The following ENTREP2 variants were observed in gnomAD, a reference collection of about 807,000 sequenced individuals.
ENTREP2 encodes the protein endosomal transmembrane epsin interactor 2.
the ENTREP2 span, among the ~76,000 whole-genome samples, chr15:29,481,647 T>C: frequency 2.0e-5 from 3 of 152,168 alleles, no homozygotes; most frequent in Non-Finnish European, 2.9e-5. Flanking sequence ...ATGCTTAACA[T>C]AGCCTGGCTA....
At chr15:29,167,041 C>T in the ENTREP2 span, among the ~76,000 whole-genome samples, 1 of 152,006 alleles carries the variant, frequency 6.6e-6, no homozygotes, top group Admixed American at 6.6e-5. Flanking sequence ...CGATCTTTGA[C>T]AAAGCAAACA....
the ENTREP2 span, among the ~76,000 whole-genome samples, chr15:29,313,518 G>A: frequency 6.6e-6 from 1 of 152,114 alleles, no homozygotes; most frequent in Admixed American, 6.5e-5. Context: ...ACTAGAACTA[G>A]CCCAACAAAG....
the ENTREP2 span, among the ~76,000 whole-genome samples, chr15:29,449,780 T>C: frequency 6.6e-6 from 1 of 152,234 alleles, no homozygotes; most frequent in African/African-American, 2.4e-5. Context: ...TAGACAAACA[T>C]TTTGTAGAGT....
At chr15:29,203,453 CA>C in the ENTREP2 span, among the ~76,000 whole-genome samples, 1 of 152,116 alleles carries the variant, frequency 6.6e-6, no homozygotes, top group Non-Finnish European at 1.5e-5. Context: ...GCCTCACCAG[CA>C]TCTGTTGTTT....
At chr15:29,481,312 T>C in the ENTREP2 span, among the ~76,000 whole-genome samples, 1 of 152,154 alleles carries the variant, frequency 6.6e-6, no homozygotes, top group Non-Finnish European at 1.5e-5. Context: ...GGGTGGGGCC[T>C]GAGACCCTGC....
At chr15:29,647,694 C>T in the ENTREP2 span, among the ~76,000 whole-genome samples, 1 of 152,150 alleles carries the variant, frequency 6.6e-6, no homozygotes, top group Admixed American at 6.6e-5. Flanking sequence ...AAAGGACATA[C>T]TCCCAAAAGG....
At chr15:29,394,947 G>C in the ENTREP2 span, among the ~76,000 whole-genome samples, 1 of 144,476 alleles carries the variant, frequency 6.9e-6, no homozygotes, top group East Asian at 2.1e-4. Flanking sequence ...GAGTGCAGTG[G>C]TGTGATCTCA....
At chr15:29,396,361 G>C in the ENTREP2 span, among the ~76,000 whole-genome samples, 5 of 151,066 alleles carry the variant, frequency 3.3e-5, no homozygotes, top group Non-Finnish European at 5.9e-5. Context: ...AGATTATTCA[G>C]TATTCATCTT....
chr15:29,598,122 CAA>C, the ENTREP2 span, among the ~76,000 whole-genome samples: 1 of 149,986 alleles, frequency 6.7e-6, no homozygotes. Context: ...ACCCCTGTCT[CAA>C]AAAAAAAAGA....
the ENTREP2 span, among the ~76,000 whole-genome samples, chr15:29,483,013 G>C: frequency 2.6e-5 from 4 of 152,226 alleles, no homozygotes; most frequent in Non-Finnish European, 4.4e-5. Context: ...GATGCTATCA[G>C]TGTTTTGGCT....
At chr15:29,233,944 T>G in the ENTREP2 span, 1 of 1,557,510 alleles carries the variant, frequency 6.4e-7, no homozygotes, top group Non-Finnish European at 8.8e-7. Flanking sequence ...CTACTTCCAT[T>G]GCAGTTTCAC....
chr15:29,350,430 T>C, the ENTREP2 span, among the ~76,000 whole-genome samples: 2 of 152,218 alleles, frequency 1.3e-5, no homozygotes, highest in African/African-American at 2.4e-5. Flanking sequence ...CAAAGAATTT[T>C]TGATTGCCTC....
At chr15:29,410,997 G>T in the ENTREP2 span, among the ~76,000 whole-genome samples, 1 of 152,062 alleles carries the variant, frequency 6.6e-6, no homozygotes, top group Admixed American at 6.6e-5. Flanking sequence ...TGTTGGTCAG[G>T]CTGGTCTCGA....
chr15:29,248,532 C>T, the ENTREP2 span, among the ~76,000 whole-genome samples: 1 of 151,834 alleles, frequency 6.6e-6, no homozygotes, highest in Admixed American at 6.6e-5. Context: ...AGAACACATA[C>T]AGACAAAACA....
At chr15:29,252,002 T>G in the ENTREP2 span, among the ~76,000 whole-genome samples, 1 of 152,198 alleles carries the variant, frequency 6.6e-6, no homozygotes. Flanking sequence ...TAAAACTGAC[T>G]TGCAAACTGA....
chr15:29,119,914 G>C, the ENTREP2 span, among the ~76,000 whole-genome samples: 1 of 152,160 alleles, frequency 6.6e-6, no homozygotes, highest in South Asian at 2.1e-4. Context: ...ATGCAGGCAG[G>C]ACTCCCACCA....
chr15:29,563,842 TAAAAATAA>T, the ENTREP2 span, among the ~76,000 whole-genome samples: 29 of 18,522 alleles, frequency 1.6e-3, no homozygotes, highest in Admixed American at 0.011. Flanking sequence ...GCCTCAAAAA[TAAAAATAA>T]ATAAATAAAT....
At chr15:29,431,224 C>T in the ENTREP2 span, among the ~76,000 whole-genome samples, 1 of 152,136 alleles carries the variant, frequency 6.6e-6, no homozygotes, top group East Asian at 1.9e-4. Flanking sequence ...AGGGGAGCCT[C>T]GGTTTATACC....
the ENTREP2 span, among the ~76,000 whole-genome samples, chr15:29,606,755 A>T: frequency 6.6e-6 from 1 of 151,892 alleles, no homozygotes; most frequent in African/African-American, 2.4e-5. Context: ...AAGTACTAAT[A>T]ATTTCAGTAG....
Sources: gnomAD v4.1 joint callset for allele counts (sites outside exome capture counted in the v4.1 genomes callset) on GRCh38, gnomAD v4.1.1 for gene constraint, MANE v1.5 for transcripts, NCBI Gene and HGNC (gene_info 2026-07-23, HGNC 2026-07-21) for gene names.